Variants in PCDHA1 observed in about 807,000 individuals in gnomAD.
PCDHA1 encodes the protein protocadherin alpha-1.
PCDHA1 carries 42 observed loss-of-function variants against 61.3 expected under a neutral mutation model. That is an observed-to-expected ratio of 0.69 (90% CI 0.54 to 0.89). The LOEUF (loss-of-function observed/expected upper bound fraction) is 0.89, where lower values mean the gene tolerates loss of function less well. Among genes scored for constraint, PCDHA1 ranks in the 40% least tolerant of loss-of-function variants. The pLI is 0.00. For synonymous variants in PCDHA1, 610 were observed against 553.8 expected, an observed-to-expected ratio of 1.10 and a Z score of -1.43; for missense variants, 1,256 against 1,235.3, an observed-to-expected ratio of 1.02 and a Z score of -0.25.
At chr5:140,957,912 T>A (rs570961362) in intron 1 of PCDHA1, among the ~76,000 whole-genome samples, 1 of 152,256 alleles carries the variant, frequency 6.6e-6, no homozygotes, top group Non-Finnish European at 1.5e-5. Context: ...CATATTGTTA[T>A]CTATGTATCA....
At chr5:140,832,322 A>C (rs187612308) in intron 1 of PCDHA1, among the ~76,000 whole-genome samples, 11 of 152,360 alleles carry the variant, frequency 7.2e-5, no homozygotes, top group African/African-American at 2.4e-4. Context: ...CTTAAGGGCC[A>C]TTAGAGGACT....
At chr5:140,968,813 A>G (rs1554231120) in intron 1 of PCDHA1, 1 of 1,614,194 alleles carries the variant, frequency 6.2e-7, no homozygotes, top group South Asian at 1.1e-5. Context: ...TGTGGTGGAT[A>G]GGGTTTCCAA....
rs2053195452 is a variant in PCDHA1, at chr5:140,871,568, T to G, written c.2394+82884T>G. ...TTAAAATCCAGTTTTTTTTCACGGATTTTTTAAGGGAAAGTTTTATGAATA... is the reference window on the plus strand; with the variant it reads ...TTAAAATCCAGTTTTTTTTCACGGAGTTTTTAAGGGAAAGTTTTATGAATA... On this transcript the variant is annotated intron_variant, in intron 1 of 3. Coordinates refer to ENST00000504120, the MANE Select transcript of PCDHA1 (RefSeq NM_018900.4). 4.7e-6 allele frequency: 7 copies of G among 1,481,802 alleles called. No homozygotes were observed. In the East Asian group the frequency reaches 1.7e-4, roughly 37 times the overall value. The allele number at this position is 1,481,802 out of a possible 1,614,324, so 91.8% of individuals were successfully genotyped here. A position where few individuals can be genotyped will look rare whatever the true frequency, so the allele number is the denominator to read the frequency against.
intron 1 of PCDHA1, chr5:140,822,064 C>T: frequency 6.2e-7 from 1 of 1,614,194 alleles, no homozygotes; most frequent in Non-Finnish European, 8.5e-7. Context: ...GCTGTGCCGG[C>T]GGAGGGCGGA....
intron 1 of PCDHA1, chr5:140,808,693 C>G: frequency 6.2e-7 from 1 of 1,612,144 alleles, no homozygotes. Flanking sequence ...TAGGGGAGCG[C>G]GCGCTGTCGA....
At position 140,848,366 on chromosome 5, in the gene PCDHA1, G is replaced by A. The variant is rs2150409597; in HGVS notation, c.2394+59682G>A. ...TACAGCCCTTTTCCCATGGGAAAGA[G>A]GCTCAATTCTTTTTCACTCTCTCTG... On this transcript the variant is annotated intron_variant, in intron 1 of 3. Transcript: ENST00000504120. 4.6e-5 allele frequency: 50 copies of A among 1,096,168 alleles called. 2 individuals are homozygous for A. The highest frequency in any genetic ancestry group is 2.3e-5 in the Admixed American group (1 of 42,774). The allele number at this position is 1,096,168 out of a possible 1,614,324, so 67.9% of individuals were successfully genotyped here.
intron 1 of PCDHA1, chr5:140,871,141 C>G: frequency 6.2e-7 from 1 of 1,613,438 alleles, no homozygotes; most frequent in Non-Finnish European, 8.5e-7. Context: ...GGCCTCTTCC[C>G]GGACTTTGGC....
chr5:140,797,390 T>A lies in PCDHA1; in HGVS notation c.2394+8706T>A, dbSNP rs782688551. On this transcript the variant is annotated intron_variant, in intron 1 of 3. Coordinates refer to ENST00000504120, the MANE Select transcript of PCDHA1 (RefSeq NM_018900.4). Reference sequence around the variant, plus strand: ...CTTTTTCTTGCCAATTCTAAAATTGTTCTTTTTAAAAAATTCTATATGATT... The same window carrying A: ...CTTTTTCTTGCCAATTCTAAAATTGATCTTTTTAAAAAATTCTATATGATT... 2.5e-6 allele frequency: 4 copies of A among 1,584,260 alleles called. No individual in the cohort carries two copies. In the Admixed American group the frequency reaches 5.3e-5, roughly 21 times the overall value.
Position 140,852,727 on chromosome 5 carries a change from G to A in PCDHA1, c.2394+64043G>A, listed in dbSNP as rs1395858951. 8.1e-6 allele frequency: 8 copies of A among 983,412 alleles called. 1 individual carries two copies. The South Asian group carries it at 2.9e-4, about 35-fold the overall frequency. The allele number at this position is 983,412 out of a possible 1,614,324, so 60.9% of individuals were successfully genotyped here. The stretch of plus-strand genomic sequence containing the variant: ...ATCTTTGTCTTTGCACGTTTTTCAA[G>A]TTTCATGTGCCATTTAAACTTGGAC... On this transcript the variant is annotated intron_variant, in intron 1 of 3. Transcript: ENST00000504120.
intron 1 of PCDHA1, chr5:140,926,333 C>G (rs1244364456): frequency 6.6e-6 from 1 of 152,288 alleles, no homozygotes; most frequent in Non-Finnish European, 1.5e-5. Context: ...GGTCAGAGCG[C>G]CGGGACCCGA....
chr5:140,863,076 G>C (rs782126148), intron 1 of PCDHA1: 2 of 570,034 alleles, frequency 3.5e-6, no homozygotes, highest in South Asian at 2.7e-5. Context: ...GGCTCTGCAC[G>C]GGCGAGATCA....
chr5:141,007,395 C>CAAAAAAA (rs35800918), intron 3 of PCDHA1, among the ~76,000 whole-genome samples: 1,149 of 94,062 alleles, frequency 0.012, no homozygotes, highest in African/African-American at 0.016. Flanking sequence ...TACTAAAATA[C>CAAAAAAA]AAAAAAAAAA....
rs140124026 is a variant in PCDHA1, at chr5:140,973,683, C to T, written c.2395-5266C>T. On this transcript the variant is annotated intron_variant, in intron 1 of 3. Coordinates refer to ENST00000504120, the MANE Select transcript of PCDHA1 (RefSeq NM_018900.4). ...TTTATTGTAGCTTGAATGTCATTGG[C>T]CTACTGTTTCCTTCTGACCCAGGAG... is the stretch of plus-strand genomic sequence containing the variant. Among the ~76,000 whole-genome samples, 5 of 152,316 alleles carry T rather than the reference C, an allele frequency of 3.3e-5. No homozygotes were observed. The East Asian group carries it at 7.7e-4, about 24-fold the overall frequency.
chr5:140,932,398 T>TA (rs1472151465), intron 1 of PCDHA1, among the ~76,000 whole-genome samples: 1 of 151,960 alleles, frequency 6.6e-6, no homozygotes, highest in Non-Finnish European at 1.5e-5. Flanking sequence ...AGTTTCAACA[T>TA]ACCAATGTTA....
chr5:141,004,045 G>T (rs1588047334), intron 3 of PCDHA1, among the ~76,000 whole-genome samples: 1 of 152,222 alleles, frequency 6.6e-6, no homozygotes, highest in East Asian at 1.9e-4. Flanking sequence ...TTGATCATTT[G>T]CTGATACTGG....
intron 1 of PCDHA1, chr5:140,823,879 G>T: frequency 6.2e-7 from 1 of 1,613,898 alleles, no homozygotes; most frequent in Non-Finnish European, 8.5e-7. Context: ...CCTGATCATC[G>T]CCATCTGTGC....
Position 141,010,175 on chromosome 5 carries a change from A to G in PCDHA1, c.*238A>G. The G allele has an allele frequency of 6.4e-7, 1 of 1,556,224 alleles. No homozygotes were observed. The highest frequency in any genetic ancestry group is 8.7e-7 in the Non-Finnish European group (1 of 1,149,078). On this transcript the variant is annotated 3_prime_UTR_variant, in exon 4 of 4. Coordinates refer to ENST00000504120, the MANE Select transcript of PCDHA1 (RefSeq NM_018900.4). ...TCTGGCTTGTTTTCAGAACCTAAAA[A>G]GCAGACCCAAGTTTCCTTTCTCCTC...
chr5:140,935,230 CTA>C (rs1363291872), intron 1 of PCDHA1, among the ~76,000 whole-genome samples: 2 of 152,128 alleles, frequency 1.3e-5, no homozygotes, highest in African/African-American at 4.8e-5. Context: ...TAAGGGATGT[CTA>C]TTTTTTAAAA....
chr5:140,934,587 T>C (rs1316719317), intron 1 of PCDHA1, among the ~76,000 whole-genome samples: 1 of 152,176 alleles, frequency 6.6e-6, no homozygotes, highest in Non-Finnish European at 1.5e-5. Flanking sequence ...ATTTCTGTAA[T>C]GGGTCTTCAA....
Sources: allele counts gnomAD v4.1 joint callset (sites outside exome capture counted in the v4.1 genomes callset), GRCh38; gene constraint gnomAD v4.1.1; transcripts MANE v1.5; gene names NCBI Gene and HGNC (gene_info 2026-07-23, HGNC 2026-07-21).